The following KIF6 variants were observed in gnomAD, a reference collection of about 807,000 sequenced individuals.
KIF6 encodes kinesin-like protein KIF6.
A neutral mutation model predicts 112.7 loss-of-function variants in KIF6; 106 were observed. The ratio of observed to expected loss-of-function variants is 0.94; its 90% CI spans 0.80 to 1.11. The LOEUF (loss-of-function observed/expected upper bound fraction) is 1.11, where lower values mean the gene tolerates loss of function less well. Ranked by LOEUF, KIF6 falls within the 50% of genes least tolerant of loss-of-function variation. The pLI is 0.00. For missense variants in KIF6, 929 were observed against 964.0 expected (o/e 0.96, Z 0.48); for synonymous variants, 339 against 339.9 (o/e 1.00, Z 0.03).
chr6:39,610,268 A>T (rs1783145559), intron 6 of KIF6, among the ~76,000 whole-genome samples: 4 of 152,232 alleles, frequency 2.6e-5, no homozygotes, highest in Admixed American at 2.0e-4. Context: ...ATCAAGTTTT[A>T]TTCAAAACAT....
intron 15 of KIF6, among the ~76,000 whole-genome samples, chr6:39,412,423 G>A (rs1486510142): frequency 6.6e-6 from 1 of 152,112 alleles, no homozygotes; most frequent in Non-Finnish European, 1.5e-5. Flanking sequence ...CAAGAGTCCC[G>A]TGATCTCTAT....
At chr6:39,520,489 A>T (rs2150524670) in intron 13 of KIF6, among the ~76,000 whole-genome samples, 1 of 152,248 alleles carries the variant, frequency 6.6e-6, no homozygotes, top group South Asian at 2.1e-4. Flanking sequence ...ATCTCCAAGA[A>T]CCTCTGCTCA....
At chr6:39,576,010 A>G (rs11754132) in intron 10 of KIF6, among the ~76,000 whole-genome samples, 11,660 of 152,282 alleles carry the variant, frequency 0.077, 514 homozygotes, top group South Asian at 0.17. Context: ...GATACAATAG[A>G]GGGAACCTGC....
intron 13 of KIF6, among the ~76,000 whole-genome samples, chr6:39,463,469 T>G (rs1490588776): frequency 6.6e-6 from 1 of 152,242 alleles, no homozygotes; most frequent in Non-Finnish European, 1.5e-5. Flanking sequence ...ATCTCTAATC[T>G]GACTACCAGG....
intron 13 of KIF6, among the ~76,000 whole-genome samples, chr6:39,533,392 CAG>C: frequency 6.6e-6 from 1 of 152,318 alleles, no homozygotes; most frequent in South Asian, 2.1e-4. Context: ...CCTGCACCCA[CAG>C]AGTCTCGCTG....
At chr6:39,703,080 C>CG (rs1380742356) in intron 3 of KIF6, among the ~76,000 whole-genome samples, 619 of 45,084 alleles carry the variant, frequency 0.014, 44 homozygotes, top group Non-Finnish European at 0.031. Flanking sequence ...CACCAACCCC[C>CG]CACCCCCACT....
intron 19 of KIF6, among the ~76,000 whole-genome samples, chr6:39,353,467 G>T (rs1378221245): frequency 1.3e-5 from 2 of 152,122 alleles, no homozygotes; most frequent in Non-Finnish European, 2.9e-5. Context: ...GTATACTTCA[G>T]ATACAAGTCC....
chr6:39,646,094 A>C (rs905383561), intron 3 of KIF6, among the ~76,000 whole-genome samples: 1 of 151,618 alleles, frequency 6.6e-6, no homozygotes, highest in African/African-American at 2.4e-5. Context: ...TGTTGTGCAC[A>C]TGTACCCTAG....
intron 5 of KIF6, among the ~76,000 whole-genome samples, chr6:39,620,991 A>T (rs189396357): frequency 3.3e-5 from 5 of 151,056 alleles, no homozygotes; most frequent in Admixed American, 1.3e-4. Flanking sequence ...CTGGTCTTGA[A>T]CTCCTGACCT....
chr6:39,395,594 G>A (rs993766877), intron 15 of KIF6, among the ~76,000 whole-genome samples: 1 of 152,222 alleles, frequency 6.6e-6, no homozygotes, highest in African/African-American at 2.4e-5. Context: ...GGTTCCGGTT[G>A]CCAGAAATGT....
At position 39,340,909 on chromosome 6, in the gene KIF6, G is replaced by C. The variant is rs560879221; in HGVS notation, c.2428+2800C>G. Among the ~76,000 whole-genome samples the C allele has an allele frequency of 8.5e-5, 13 of 152,162 alleles. No individual in the cohort carries two copies. The South Asian group carries it at 1.2e-3, about 15-fold the overall frequency. On this transcript the variant is annotated intron_variant, in intron 22 of 22. Transcript: ENST00000287152. ...TTCTATGGATTTGTTACAGGGGAAG[G>C]GATATCTCAGCTCAAAGGATATCCT...
chr6:39,419,379 A>G (rs1479372237), intron 15 of KIF6, among the ~76,000 whole-genome samples: 1 of 148,602 alleles, frequency 6.7e-6, no homozygotes, highest in Non-Finnish European at 1.5e-5. Flanking sequence ...AAAAAAAGAG[A>G]ATTCGAGGCA....
At chr6:39,399,056 T>TGCAACATCAACTCTTCTTTGGCTCTCCA (rs1768490341) in intron 15 of KIF6, among the ~76,000 whole-genome samples, 1 of 152,230 alleles carries the variant, frequency 6.6e-6, no homozygotes, top group Non-Finnish European at 1.5e-5. Flanking sequence ...GGACTTGACC[T>TGCAACATCAACTCTTCTTTGGCTCTCCA]GCAACATCAA....
At chr6:39,501,926 G>T (rs1432636201) in intron 13 of KIF6, among the ~76,000 whole-genome samples, 2 of 152,184 alleles carry the variant, frequency 1.3e-5, no homozygotes, top group East Asian at 3.8e-4. Context: ...AAATCATCCA[G>T]GAGAACTTCC....
chr6:39,430,421 C>T (rs1771069305), intron 14 of KIF6, among the ~76,000 whole-genome samples: 1 of 152,184 alleles, frequency 6.6e-6, no homozygotes, highest in South Asian at 2.1e-4. Flanking sequence ...TTCTTCTGAG[C>T]TCTAGACCCC....
chr6:39,412,769 A>C (rs1769576408), intron 15 of KIF6, among the ~76,000 whole-genome samples: 1 of 152,200 alleles, frequency 6.6e-6, no homozygotes, highest in South Asian at 2.1e-4. Context: ...TGAGCCCAGG[A>C]AGCTGTGGAG....
At chr6:39,604,228 AG>A (rs1782745630) in intron 6 of KIF6, among the ~76,000 whole-genome samples, 1 of 152,186 alleles carries the variant, frequency 6.6e-6, no homozygotes, top group Non-Finnish European at 1.5e-5. Context: ...TTGGCCTTTC[AG>A]GTTAAACCTC....
intron 13 of KIF6, among the ~76,000 whole-genome samples, chr6:39,438,320 A>G (rs1232903774): frequency 6.6e-6 from 1 of 152,128 alleles, no homozygotes; most frequent in Non-Finnish European, 1.5e-5. Context: ...TCTTCTACTT[A>G]TAAGTTAACT....
intron 3 of KIF6, among the ~76,000 whole-genome samples, chr6:39,689,712 C>T (rs1057495290): frequency 6.6e-6 from 1 of 152,088 alleles, no homozygotes; most frequent in Non-Finnish European, 1.5e-5. Flanking sequence ...TCAAGGGATC[C>T]TCCCCACTCA....
Sources: gnomAD v4.1 joint callset for allele counts (sites outside exome capture counted in the v4.1 genomes callset) on GRCh38, gnomAD v4.1.1 for gene constraint, MANE v1.5 for transcripts, NCBI Gene and HGNC (gene_info 2026-07-23, HGNC 2026-07-21) for gene names.